The following TBCK variants were observed in gnomAD, a reference collection of about 807,000 sequenced individuals.
TBCK encodes TBC1 domain containing kinase.
In TBCK, 99 loss-of-function variants were observed where a neutral mutation model predicts 113.4. That is an observed-to-expected ratio of 0.87 (90% CI 0.74 to 1.03). TBCK has a LOEUF of 1.03. Ranked by LOEUF, TBCK falls within the 50% of genes least tolerant of loss-of-function variation. The pLI, the probability that TBCK is intolerant of heterozygous loss-of-function variation, is 0.00. For missense variants in TBCK, 1,045 were observed against 1,061.3 expected, an observed-to-expected ratio of 0.98 and a Z score of 0.21; for synonymous variants, 369 against 370.8, an observed-to-expected ratio of 1.00 and a Z score of 0.05.
chr4:106,050,275 T>C (rs1470947746), intron 25 of TBCK, among the ~76,000 whole-genome samples: 1 of 151,850 alleles, frequency 6.6e-6, no homozygotes, highest in African/African-American at 2.4e-5. Context: ...ACCATGATGG[T>C]AGGTGAAATA....
intron 22 of TBCK, among the ~76,000 whole-genome samples, chr4:106,192,928 A>T (rs891445423): frequency 6.6e-6 from 1 of 152,102 alleles, no homozygotes; most frequent in Non-Finnish European, 1.5e-5. Flanking sequence ...TTTTTCACCT[A>T]AAAAAACTGA....
intron 24 of TBCK, among the ~76,000 whole-genome samples, chr4:106,102,389 T>G (rs182271107): frequency 2.6e-5 from 4 of 152,282 alleles, no homozygotes; most frequent in Admixed American, 2.6e-4. Flanking sequence ...GTATTTTAAC[T>G]GAGACTATTC....
At chr4:106,272,179 T>C (rs1470032605) in intron 3 of TBCK, among the ~76,000 whole-genome samples, 1 of 152,230 alleles carries the variant, frequency 6.6e-6, no homozygotes, top group East Asian at 1.9e-4. Flanking sequence ...TTTCTAATTG[T>C]CATCTAACCT....
chr4:106,162,228 T>G (rs969146732), intron 23 of TBCK, among the ~76,000 whole-genome samples: 3 of 152,194 alleles, frequency 2.0e-5, no homozygotes, highest in African/African-American at 7.2e-5. Context: ...CTCCCTTGAC[T>G]TCATGTCACA....
At chr4:106,276,374 G>A (rs1764026655) in intron 3 of TBCK, among the ~76,000 whole-genome samples, 1 of 152,154 alleles carries the variant, frequency 6.6e-6, no homozygotes. Context: ...ATAAAAAGCA[G>A]TAACCACAGA....
chr4:106,309,798 T>G (rs1434355364), intron 1 of TBCK: 1 of 152,226 alleles, frequency 6.6e-6, no homozygotes, highest in South Asian at 2.1e-4. Context: ...AATTTTCATT[T>G]TTATGCTAGA....
At chr4:106,236,336 A>T (rs1016236576) in intron 14 of TBCK, 54 bp downstream of exon 14, 63 of 1,235,226 alleles carry the variant, frequency 5.1e-5, no homozygotes, top group Admixed American at 2.2e-4. Context: ...TGAAAAAATT[A>T]AAAAAAAATT....
chr4:106,180,205 ATTAAT>A (rs1752182389), intron 22 of TBCK, among the ~76,000 whole-genome samples: 1 of 151,860 alleles, frequency 6.6e-6, no homozygotes, highest in Non-Finnish European at 1.5e-5. Context: ...TTATTGGATA[ATTAAT>A]TTAATTGGAT....
intron 23 of TBCK, among the ~76,000 whole-genome samples, chr4:106,119,484 C>T (rs925661897): frequency 4.6e-5 from 7 of 152,036 alleles, no homozygotes; most frequent in Non-Finnish European, 8.8e-5. Flanking sequence ...AACTAGACCC[C>T]TATCTCTTAC....
chr4:106,306,399 C>A (rs562454391), intron 2 of TBCK, among the ~76,000 whole-genome samples: 1 of 151,902 alleles, frequency 6.6e-6, no homozygotes, highest in African/African-American at 2.4e-5. Flanking sequence ...TATTCTTCAA[C>A]GCAAAATTAA....
At chr4:106,307,457 A>G (rs1319545166) in intron 2 of TBCK, among the ~76,000 whole-genome samples, 5 of 152,190 alleles carry the variant, frequency 3.3e-5, no homozygotes, top group African/African-American at 1.2e-4. Context: ...CTCAGTCTAT[A>G]AAACACAAAT....
Position 106,063,594 on chromosome 4 carries a change from G to A in TBCK, c.2572-16914C>T, listed in dbSNP as rs1051111000. 2.2e-4 allele frequency among the ~76,000 whole-genome samples: 34 copies of A among 151,860 alleles called. 1 individual carries two copies. Among genetic ancestry groups the A allele is most frequent in the Non-Finnish European group, 5.9e-5 (4 of 67,908 alleles). On this transcript the variant is annotated intron_variant, in intron 25 of 25. Coordinates refer to ENST00000394708, the MANE Select transcript of TBCK (RefSeq NM_001163435.3). ...TAGAGGAAGAGCTTGAGCAAAGGGG[G>A]GAAGGTGACAGGGCTAAAGAGAGAA...
chr4:106,095,802 AAAAGTT>A (rs1157769299), intron 24 of TBCK, among the ~76,000 whole-genome samples, 161 bp from the exon 25 acceptor site: 10 of 152,214 alleles, frequency 6.6e-5, no homozygotes, highest in African/African-American at 2.4e-4. Context: ...GGAGAAAAAA[AAAAGTT>A]AAATTTGAAA....
intron 23 of TBCK, among the ~76,000 whole-genome samples, chr4:106,121,876 T>G (rs1326156348): frequency 1.3e-5 from 2 of 151,042 alleles, no homozygotes; most frequent in Non-Finnish European, 3.0e-5. Context: ...TTCAAAGCAG[T>G]GTGTAGAGGG....
chr4:106,219,493 T>C (rs576343951), intron 19 of TBCK, among the ~76,000 whole-genome samples: 32 of 152,094 alleles, frequency 2.1e-4, no homozygotes, highest in Non-Finnish European at 4.7e-4. Flanking sequence ...ATATATTTTG[T>C]TGATTCTAAT....
intron 23 of TBCK, among the ~76,000 whole-genome samples, chr4:106,169,164 A>T (rs1417982832): frequency 2.6e-5 from 4 of 152,140 alleles, no homozygotes; most frequent in African/African-American, 9.6e-5. Flanking sequence ...ATTCAATGTA[A>T]TCCCAATCAA....
intron 3 of TBCK, among the ~76,000 whole-genome samples, chr4:106,271,667 G>C (rs886070055): frequency 6.6e-6 from 1 of 151,248 alleles, no homozygotes; most frequent in African/African-American, 2.4e-5. Context: ...CAGGAGAATT[G>C]CTTGAACCCA....
chr4:106,127,988 C>G (rs1028867455), intron 23 of TBCK, among the ~76,000 whole-genome samples: 1 of 152,098 alleles, frequency 6.6e-6, no homozygotes, highest in Non-Finnish European at 1.5e-5. Flanking sequence ...TGCGTGCACA[C>G]ACCACCCCCA....
rs1041834692 is a variant in TBCK, at chr4:106,292,062, A to C, written c.266+3032T>G. Among the ~76,000 whole-genome samples the C allele has an allele frequency of 2.0e-5, 3 of 152,314 alleles. No homozygotes were observed. The South Asian group carries it at 6.2e-4, about 32-fold the overall frequency. On this transcript the variant is annotated intron_variant, in intron 3 of 25. Transcript: ENST00000394708. ...AAGTCTTTGAATGATTAAATATCAG[A>C]GAAACTGAATTGGTCACTTTACATC...
Sources: allele counts gnomAD v4.1 joint callset (sites outside exome capture counted in the v4.1 genomes callset), GRCh38; gene constraint gnomAD v4.1.1; transcripts MANE v1.5; gene names NCBI Gene and HGNC (gene_info 2026-07-23, HGNC 2026-07-21).